The following HEG1 variants were observed in gnomAD, a reference collection of about 807,000 sequenced individuals.
HEG1 encodes heart development protein with EGF like domains 1, also known as protein HEG homolog 1.
In HEG1, 56 loss-of-function variants were observed where a neutral mutation model predicts 125.6. The observed-to-expected ratio is 0.45, with a 90% CI of 0.36 to 0.56. The LOEUF (loss-of-function observed/expected upper bound fraction) is 0.56. Among genes scored for constraint, HEG1 ranks in the 20% least tolerant of loss-of-function variants. HEG1 has a pLI of 0.00. For synonymous variants in HEG1, 644 were observed against 668.5 expected (o/e 0.96, Z 0.57); for missense variants, 1,523 against 1,670.0 (o/e 0.91, Z 1.53).
At position 124,967,333 on chromosome 3, in the gene HEG1, C is replaced by T. The variant is rs549642751; in HGVS notation, c.*3319G>A. On this transcript the variant is annotated 3_prime_UTR_variant, in exon 17 of 17. Coordinates refer to ENST00000311127, the MANE Select transcript of HEG1 (RefSeq NM_020733.2). ...AGGTCCTTGCCTTCCACTTCCTATA[C>T]CAAAGCCACGTGCCAGTGTGCTTCT... The T allele has an allele frequency of 2.6e-5, 4 of 152,262 alleles. No individual in the cohort carries two copies. In the South Asian group the frequency reaches 6.2e-4, roughly 24 times the overall value. The allele number at this position is 152,262 out of a possible 1,614,324, so 9.4% of individuals were successfully genotyped here. A position where few individuals can be genotyped will look rare whatever the true frequency, so the allele number is the denominator to read the frequency against.
At chr3:125,042,023 C>G (rs1226253218) in intron 1 of HEG1, among the ~76,000 whole-genome samples, 2 of 152,096 alleles carry the variant, frequency 1.3e-5, no homozygotes, top group African/African-American at 4.8e-5. Context: ...CAGATGGTGA[C>G]GATGATTGCA....
chr3:124,993,681 T>C (rs1056014150), intron 12 of HEG1, among the ~76,000 whole-genome samples: 12 of 152,162 alleles, frequency 7.9e-5, no homozygotes, highest in African/African-American at 2.9e-4. Flanking sequence ...GCCTTTTCTA[T>C]TTTGAACACT....
intron 12 of HEG1, among the ~76,000 whole-genome samples, chr3:124,993,024 C>T (rs532023703): frequency 2.6e-5 from 4 of 152,292 alleles, no homozygotes; most frequent in East Asian, 3.9e-4. Flanking sequence ...GACGAGGATG[C>T]CCCAGAGAAA....
chr3:124,994,847 T>C (rs572689540), intron 12 of HEG1, among the ~76,000 whole-genome samples: 38 of 152,342 alleles, frequency 2.5e-4, no homozygotes, highest in African/African-American at 8.9e-4. Context: ...TGCAGGAAAT[T>C]ATATCTAGCC....
chr3:124,977,720 C>T, intron 15 of HEG1, 139 bp downstream of exon 15: 1 of 468,598 alleles, frequency 2.1e-6, no homozygotes, highest in Non-Finnish European at 3.7e-6. Context: ...TTCCCTTTCT[C>T]CTTTTTTAAA....
chr3:125,001,197 A>C (rs1936993662), intron 11 of HEG1, among the ~76,000 whole-genome samples: 1 of 152,054 alleles, frequency 6.6e-6, no homozygotes, highest in Non-Finnish European at 1.5e-5. Flanking sequence ...ATAATGTGCA[A>C]ACAAACAAAC....
chr3:125,020,448 A>G (rs1477829291), intron 4 of HEG1, among the ~76,000 whole-genome samples: 1 of 152,070 alleles, frequency 6.6e-6, no homozygotes, highest in East Asian at 1.9e-4. Context: ...AAACATAAAG[A>G]GTAGGCCGGC....
intron 14 of HEG1, among the ~76,000 whole-genome samples, chr3:124,980,521 A>AT (rs780930642): frequency 3.8e-4 from 57 of 149,956 alleles, no homozygotes; most frequent in East Asian, 2.1e-3. Context: ...CAGTTTTTTT[A>AT]TTTTTTTTTT....
At chr3:125,038,017 A>AT (rs1937562664) in intron 1 of HEG1, among the ~76,000 whole-genome samples, 1 of 152,206 alleles carries the variant, frequency 6.6e-6, no homozygotes, top group Admixed American at 6.5e-5. Flanking sequence ...AATGCTACAT[A>AT]TGTCATAGCT....
chr3:125,010,455 C>T lies in HEG1; in HGVS notation c.3057G>A (p.Gly1019=). ...TTCTCTTACCCACACTGCAATCATC[C>T]CCTTGCCAGGAAGGCGGGCACCTGC... ...YHCRCPPSWQ[G]DDCSVDVNEC... is the part of the protein sequence containing the mutation. The change falls in exon 7 of 17, where the codon GGG becomes GGA. Residue 1019 remains glycine, a synonymous_variant. Transcript: ENST00000311127. The T allele has an allele frequency of 6.4e-7, 1 of 1,554,462 alleles. No homozygotes were observed. Among genetic ancestry groups the T allele is most frequent in the Non-Finnish European group, 8.7e-7 (1 of 1,148,134 alleles).
chr3:124,993,309 T>C (rs569660912), intron 12 of HEG1, among the ~76,000 whole-genome samples: 15 of 152,360 alleles, frequency 9.8e-5, no homozygotes, highest in African/African-American at 3.6e-4. Context: ...TCTTATATTA[T>C]CAAATCAGTT....
chr3:125,009,655 A>G (rs775375732), intron 8 of HEG1, 50 bp downstream of exon 8: 2 of 1,526,422 alleles, frequency 1.3e-6, no homozygotes, highest in Non-Finnish European at 1.8e-6. Flanking sequence ...GTTACCTTGT[A>G]AAATATATTG....
chr3:125,009,306 G>A (rs1405182742), intron 8 of HEG1, among the ~76,000 whole-genome samples: 1 of 145,784 alleles, frequency 6.9e-6, no homozygotes, highest in African/African-American at 2.6e-5. Flanking sequence ...TTTTTATTAT[G>A]TGGTCAGAAT....
intron 5 of HEG1, among the ~76,000 whole-genome samples, chr3:125,014,381 A>T (rs371363122): frequency 2.6e-5 from 4 of 152,234 alleles, no homozygotes; most frequent in African/African-American, 9.6e-5. Flanking sequence ...CCTAAATGAA[A>T]AAAGGAAAAT....
At chr3:125,024,727 A>G (rs1188414529) in intron 3 of HEG1, among the ~76,000 whole-genome samples, 6 of 152,228 alleles carry the variant, frequency 3.9e-5, no homozygotes, top group African/African-American at 1.2e-4. Flanking sequence ...TGTTGCATGC[A>G]TGTTTCTGTG....
At chr3:124,971,033 A>C in intron 16 of HEG1, 1 of 609,166 alleles carries the variant, frequency 1.6e-6, no homozygotes, top group South Asian at 1.6e-5. Context: ...ATGCAAACGG[A>C]GGAACTGACC....
chr3:125,018,586 G>A (rs969995936), intron 5 of HEG1, among the ~76,000 whole-genome samples: 7 of 152,154 alleles, frequency 4.6e-5, no homozygotes, highest in African/African-American at 9.7e-5. Context: ...TGAATGCCCC[G>A]ACAACTACTA....
At chr3:124,988,937 T>C (rs1455269402) in intron 14 of HEG1, among the ~76,000 whole-genome samples, 8 of 152,032 alleles carry the variant, frequency 5.3e-5, no homozygotes. Flanking sequence ...AAAACAAATA[T>C]CAATTCTGTG....
At chr3:124,978,303 A>T (rs1936582473) in intron 14 of HEG1, among the ~76,000 whole-genome samples, 1 of 152,148 alleles carries the variant, frequency 6.6e-6, no homozygotes, top group African/African-American at 2.4e-5. Flanking sequence ...GCGTGCCACC[A>T]GGCCCGGCTA....
Sources: allele counts gnomAD v4.1 joint callset (sites outside exome capture counted in the v4.1 genomes callset), GRCh38; gene constraint gnomAD v4.1.1; transcripts MANE v1.5; gene names NCBI Gene and HGNC (gene_info 2026-07-23, HGNC 2026-07-21).